Variants in FNIP2 observed in about 807,000 individuals in gnomAD.
The protein encoded by FNIP2 is folliculin interacting protein 2.
In FNIP2, 32 loss-of-function variants were observed where a neutral mutation model predicts 108.7. The ratio of observed to expected loss-of-function variants is 0.29; its 90% CI spans 0.22 to 0.40. The LOEUF (loss-of-function observed/expected upper bound fraction) is 0.40, where lower values mean the gene tolerates loss of function less well. Ranked by LOEUF, FNIP2 falls within the 10% of genes least tolerant of loss-of-function variation. The probability of loss-of-function intolerance (pLI) is 1.00; values close to 1 mark genes in which losing one functional copy is unlikely to be tolerated. For missense variants in FNIP2, 1,202 were observed against 1,381.6 expected, an observed-to-expected ratio of 0.87 and a Z score of 2.06; for synonymous variants, 480 against 496.7, an observed-to-expected ratio of 0.97 and a Z score of 0.45.
At chr4:158,771,882 C>A (rs1775710201) in intron 1 of FNIP2, among the ~76,000 whole-genome samples, 1 of 152,180 alleles carries the variant, frequency 6.6e-6, no homozygotes, top group South Asian at 2.1e-4. Context: ...TGTGCACTTC[C>A]TAGTCCCTTC....
chr4:158,839,168 C>A (rs1778976805), intron 7 of FNIP2, among the ~76,000 whole-genome samples: 1 of 152,132 alleles, frequency 6.6e-6, no homozygotes, highest in Non-Finnish European at 1.5e-5. Flanking sequence ...AGGATGCTTA[C>A]CCCATACCTA....
chr4:158,802,206 C>A (rs952391584), intron 1 of FNIP2, among the ~76,000 whole-genome samples: 4 of 152,080 alleles, frequency 2.6e-5, no homozygotes, highest in African/African-American at 9.7e-5. Flanking sequence ...GATTTGTGAT[C>A]ATTTGTTCTT....
Position 158,892,527 on chromosome 4 carries a change from C to T in FNIP2, c.3150+881C>T, listed in dbSNP as rs541406827. ...CATGACAAAATCTTCTCAGTATCTG[C>T]GTATGTGCAGAGAAATTGAAAGAAA... On this transcript the variant is annotated intron_variant, in intron 15 of 16. Transcript: ENST00000264433. 3.0e-4 allele frequency among the ~76,000 whole-genome samples: 45 copies of T among 152,098 alleles called. No individual in the cohort carries two copies. The South Asian group carries it at 8.1e-3, about 27-fold the overall frequency.
At chr4:158,870,582 ATG>A (rs1236878905) in intron 14 of FNIP2, 113 bp downstream of exon 14, 1 of 1,360,176 alleles carries the variant, frequency 7.4e-7, no homozygotes, top group African/African-American at 1.4e-5. Flanking sequence ...GTTTATGGAG[ATG>A]TGGGCAGGGT....
At chr4:158,872,848 T>A in intron 14 of FNIP2, 1 of 743,034 alleles carries the variant, frequency 1.3e-6, no homozygotes, top group East Asian at 1.3e-4. Flanking sequence ...TACTGCTCCA[T>A]AAAGCCTAGT....
chr4:158,786,036 A>G (rs1230031782), intron 1 of FNIP2, among the ~76,000 whole-genome samples: 1 of 152,172 alleles, frequency 6.6e-6, no homozygotes, highest in South Asian at 2.1e-4. Context: ...CCTGGACTGA[A>G]ACTCATTTGC....
intron 1 of FNIP2, among the ~76,000 whole-genome samples, chr4:158,802,793 T>G (rs193162198): frequency 3.9e-5 from 6 of 152,250 alleles, no homozygotes; most frequent in African/African-American, 1.4e-4. Flanking sequence ...TGTTTAGAGA[T>G]TTTGGCCACG....
At chr4:158,831,794 A>T in intron 3 of FNIP2, 67 bp from the exon 4 acceptor site, 2 of 1,006,244 alleles carry the variant, frequency 2.0e-6, no homozygotes, top group Non-Finnish European at 3.1e-6. Flanking sequence ...ATTAATAAAC[A>T]TTATTTTCTG....
intron 14 of FNIP2, among the ~76,000 whole-genome samples, chr4:158,881,546 CCCTGCCTGATTCT>C (rs151284495): frequency 0.7 from 105,824 of 151,148 alleles, 37,692 homozygotes; most frequent in East Asian, 0.93. Context: ...ACTGCAAGCT[CCCTGCCTGATTCT>C]CCTGCCTCAG....
At chr4:158,847,687 G>A (rs1301737893) in intron 7 of FNIP2, among the ~76,000 whole-genome samples, 1 of 152,148 alleles carries the variant, frequency 6.6e-6, no homozygotes, top group African/African-American at 2.4e-5. Context: ...AGAGCACCAA[G>A]CAGGCACTTA....
Position 158,851,378 on chromosome 4 carries a change from C to T in FNIP2, c.785C>T (p.Ser262Phe), listed in dbSNP as rs535927444. The change falls in exon 8 of 17, where the codon TCT (serine) becomes TTT (phenylalanine). Residue 262 changes from serine (S) to phenylalanine (F), a missense_variant. Physicochemically the swap from Ser to Phe is radical, Grantham distance 155. Coordinates refer to ENST00000264433, the MANE Select transcript of FNIP2 (RefSeq NM_020840.3). The stretch of plus-strand genomic sequence containing the variant: ...CCATCTCCAAGCTCCTCTACATCTT[C>T]TTCCAGCAGTTACCAGCGCCGCTGG... ...PFPSPSSSTS[S>F]SSSYQRRWLR... is the part of the protein sequence containing the mutation. 1 of 1,614,012 alleles carries T rather than the reference C, an allele frequency of 6.2e-7. No individual in the cohort carries two copies.
rs541772053 is a variant in FNIP2 at position 158,806,700 on chromosome 4, C to T, written c.108-19216C>T. 2.0e-5 allele frequency among the ~76,000 whole-genome samples: 3 copies of T among 152,226 alleles called. No homozygotes were observed. The South Asian group carries it at 6.2e-4, about 32-fold the overall frequency. On this transcript the variant is annotated intron_variant, in intron 1 of 16. Transcript: ENST00000264433. ...GGAGCCAACTTATAAGAAGTGTGTA[C>T]ATCTTTGTCCCATGAAGCTTGGATG...
chr4:158,822,746 T>C (rs1777953445), intron 1 of FNIP2, among the ~76,000 whole-genome samples: 1 of 152,208 alleles, frequency 6.6e-6, no homozygotes, highest in East Asian at 1.9e-4. Context: ...AGATCCTTTT[T>C]GCTTCAGCAA....
chr4:158,888,404 A>G (rs77235238), intron 14 of FNIP2, among the ~76,000 whole-genome samples: 217 of 152,296 alleles, frequency 1.4e-3, no homozygotes, highest in African/African-American at 4.5e-3. Flanking sequence ...CTTGTGCTTA[A>G]TCTGTCTCAT....
Position 158,809,324 on chromosome 4 carries a change from T to A in FNIP2, c.108-16592T>A, listed in dbSNP as rs545080520. ...AAATACAAAAATTAGCTAGATGTGGTAGCAGGTACCTGTAATCCCAGCTAC... is the reference window on the plus strand; with the variant it reads ...AAATACAAAAATTAGCTAGATGTGGAAGCAGGTACCTGTAATCCCAGCTAC... On this transcript the variant is annotated intron_variant, in intron 1 of 16. Coordinates refer to ENST00000264433, the MANE Select transcript of FNIP2 (RefSeq NM_020840.3). Among the ~76,000 whole-genome samples, 10 of 152,242 alleles carry A rather than the reference T, an allele frequency of 6.6e-5. No individual in the cohort carries two copies. The South Asian group carries it at 2.1e-3, about 32-fold the overall frequency.
chr4:158,831,801 T>G (rs1261006461), intron 3 of FNIP2, 60 bp from the exon 4 acceptor site: 6 of 1,047,838 alleles, frequency 5.7e-6, no homozygotes, highest in African/African-American at 1.6e-5. Context: ...AACATTATTT[T>G]CTGTTGCATT....
At chr4:158,806,465 A>C (rs1468212284) in intron 1 of FNIP2, 1 of 1,242,922 alleles carries the variant, frequency 8.0e-7, no homozygotes, top group East Asian at 5.6e-5. Flanking sequence ...ATAATTTTTT[A>C]TTTAATTTAC....
At chr4:158,811,110 G>T (rs1777243229) in intron 1 of FNIP2, among the ~76,000 whole-genome samples, 1 of 152,062 alleles carries the variant, frequency 6.6e-6, no homozygotes, top group Non-Finnish European at 1.5e-5. Context: ...CCACCCTGTG[G>T]GTTATAAAAA....
intron 14 of FNIP2, 32 bp from the exon 15 acceptor site, chr4:158,891,412 TAA>T (rs779093266): frequency 2.6e-6 from 4 of 1,557,102 alleles, no homozygotes; most frequent in Non-Finnish European, 2.6e-6. Flanking sequence ...CTCACCTGGA[TAA>T]ATAAACCCAT....
Sources: gnomAD v4.1 joint callset for allele counts (sites outside exome capture counted in the v4.1 genomes callset) on GRCh38, gnomAD v4.1.1 for gene constraint, MANE v1.5 for transcripts, NCBI Gene and HGNC (gene_info 2026-07-23, HGNC 2026-07-21) for gene names.